SPTBN1: variants seen among roughly 807,000 people sequenced by gnomAD.
The protein encoded by SPTBN1 is spectrin beta, non-erythrocytic 1, also known as spectrin beta chain, non-erythrocytic 1.
SPTBN1 carries 32 observed loss-of-function variants against 266.4 expected under a neutral mutation model. The ratio of observed to expected loss-of-function variants is 0.12; its 90% CI spans 0.09 to 0.16. The LOEUF is 0.16. Among genes scored for constraint, SPTBN1 ranks in the 10% least tolerant of loss-of-function variants. The pLI is 1.00. For missense variants in SPTBN1, 2,296 were observed against 3,067.1 expected, an observed-to-expected ratio of 0.75 and a Z score of 5.94; for synonymous variants, 1,336 against 1,162.2, an observed-to-expected ratio of 1.15 and a Z score of -3.04.
chr2:54,647,846 A>G (rs1680022107), intron 24 of SPTBN1, among the ~76,000 whole-genome samples: 1 of 152,216 alleles, frequency 6.6e-6, no homozygotes, highest in Non-Finnish European at 1.5e-5. Flanking sequence ...TTGTCTCAAA[A>G]AAATAAAAAT....
intron 1 of SPTBN1, among the ~76,000 whole-genome samples, chr2:54,503,464 A>G (rs776827638): frequency 6.6e-6 from 1 of 152,200 alleles, no homozygotes; most frequent in Non-Finnish European, 1.5e-5. Flanking sequence ...AATCTCTTTG[A>G]CACTGGCTGT....
intron 2 of SPTBN1, among the ~76,000 whole-genome samples, chr2:54,545,729 A>C (rs563545730): frequency 1.3e-5 from 2 of 152,116 alleles, no homozygotes; most frequent in African/African-American, 4.8e-5. Flanking sequence ...AGAGAACTCC[A>C]TCTAGCCTCT....
intron 2 of SPTBN1, among the ~76,000 whole-genome samples, chr2:54,586,327 GGTGACTCATGT>G (rs1404558789): frequency 1.3e-5 from 2 of 152,160 alleles, no homozygotes; most frequent in Non-Finnish European, 2.9e-5. Flanking sequence ...AAAGGGTTTA[GGTGACTCATGT>G]GTAATGTTCT....
At chr2:54,503,328 G>A (rs868565757) in intron 1 of SPTBN1, among the ~76,000 whole-genome samples, 3 of 152,216 alleles carry the variant, frequency 2.0e-5, no homozygotes, top group South Asian at 2.1e-4. Flanking sequence ...AGGACTAGGC[G>A]TAGTGTGGGG....
In SPTBN1 at chr2:54,644,445, C is replaced by G. The variant is rs776444487; in HGVS notation, c.4128C>G (p.Leu1376=). 3 of 1,614,110 alleles carry G rather than the reference C, an allele frequency of 1.9e-6. No individual in the cohort carries two copies. Among genetic ancestry groups the G allele is most frequent in the African/African-American group, 1.3e-5 (1 of 74,936 alleles). ...CTACCCAGACAAAGGCCCAGCGGCTCTTTGATGCAAACAAGGCCGAACTTT... is the reference window on the plus strand; with the variant it reads ...CTACCCAGACAAAGGCCCAGCGGCTGTTTGATGCAAACAAGGCCGAACTTT... ...ESTTQTKAQR[L]FDANKAELFT... is the part of the protein sequence containing the mutation. Residue 1376 remains leucine, a synonymous_variant, in exon 20 of 36, where the codon CTC becomes CTG. Coordinates refer to ENST00000356805, the MANE Select transcript of SPTBN1 (RefSeq NM_003128.3).
intron 2 of SPTBN1, among the ~76,000 whole-genome samples, chr2:54,557,399 G>A (rs1316501415): frequency 2.7e-5 from 4 of 148,352 alleles, no homozygotes; most frequent in East Asian, 2.1e-4. Context: ...AAAAAGGGGG[G>A]ACAGGAGGGT....
At chr2:54,579,360 C>A (rs1674714791) in intron 2 of SPTBN1, among the ~76,000 whole-genome samples, 1 of 152,192 alleles carries the variant, frequency 6.6e-6, no homozygotes, top group Non-Finnish European at 1.5e-5. Flanking sequence ...GACTGATTCT[C>A]TGCTCATGTG....
At position 54,663,302 on chromosome 2, in the gene SPTBN1, A is replaced by G. The variant is rs888178849; in HGVS notation, c.6421-1151A>G. ...GGGCGACGTATCTAATGAGCGTGCC[A>G]TTGACTTCTCCATGTTTGTCTGTGT... On this transcript the variant is annotated intron_variant, in intron 32 of 35. Transcript: ENST00000356805. 2.0e-5 allele frequency: 3 copies of G among 152,276 alleles called. No homozygotes were observed. The East Asian group carries it at 5.8e-4, about 29-fold the overall frequency. 9.4% of individuals were successfully genotyped at this position (152,276 alleles called of 1,614,324 possible). A position where few individuals can be genotyped will look rare whatever the true frequency, so the allele number is the denominator to read the frequency against.
intron 2 of SPTBN1, among the ~76,000 whole-genome samples, chr2:54,531,608 G>T (rs1272260315): frequency 6.3e-5 from 9 of 142,358 alleles, no homozygotes; most frequent in Admixed American, 1.4e-4. Flanking sequence ...TTTGTTTTTT[G>T]TTTTTTTTTT....
chr2:54,585,515 A>G (rs1016064191), intron 2 of SPTBN1, among the ~76,000 whole-genome samples: 2 of 152,254 alleles, frequency 1.3e-5, no homozygotes, highest in Non-Finnish European at 2.9e-5. Flanking sequence ...GAAATCTTGT[A>G]TAACCATTTT....
chr2:54,668,339 T>C lies in SPTBN1; in HGVS notation c.6877-12T>C. Reference sequence around the variant, plus strand: ...TTAGTTGAGTCTCACCTGTGTCCCTTCCTCTGTCCAGGAGGAAATGAACAC... The same window carrying C: ...TTAGTTGAGTCTCACCTGTGTCCCTCCCTCTGTCCAGGAGGAAATGAACAC... On this transcript the variant is annotated splice_polypyrimidine_tract_variant and intron_variant, in intron 35 of 35. Coordinates refer to ENST00000356805, the MANE Select transcript of SPTBN1 (RefSeq NM_003128.3). The C allele has an allele frequency of 1.2e-6, 2 of 1,613,546 alleles. No homozygotes were observed. The highest frequency in any genetic ancestry group is 2.2e-5 in the East Asian group (1 of 44,866).
intron 1 of SPTBN1, among the ~76,000 whole-genome samples, chr2:54,478,218 G>C (rs953240684): frequency 6.6e-6 from 1 of 152,004 alleles, no homozygotes; most frequent in Admixed American, 6.5e-5. Flanking sequence ...GGTCTTCCCC[G>C]GGGAAGAGAT....
In SPTBN1 at chr2:54,669,663, G is replaced by C. The variant is rs1681615273; in HGVS notation, c.*1094G>C. The stretch of plus-strand genomic sequence containing the variant: ...TTAAATATATGCTATGTCATTAAAT[G>C]CTTTTAAATCTAGCACGGTGACTAG... On this transcript the variant is annotated 3_prime_UTR_variant, in exon 36 of 36. Coordinates refer to ENST00000356805, the MANE Select transcript of SPTBN1 (RefSeq NM_003128.3). The C allele has an allele frequency of 6.6e-6, 1 of 152,626 alleles. No individual in the cohort carries two copies. The highest frequency in any genetic ancestry group is 1.5e-5 in the Non-Finnish European group (1 of 68,036). 9.5% of individuals were successfully genotyped at this position (152,626 alleles called of 1,614,324 possible).
Position 54,664,349 on chromosome 2 carries a change from G to A in SPTBN1, c.6421-104G>A, listed in dbSNP as rs1572783923. ...TGGTTTTACTGTACTGCCTCGATCT[G>A]TGCCAGGCATTTATACACAGCCACA... On this transcript the variant is annotated intron_variant, in intron 32 of 35. Transcript: ENST00000356805. The surrounding 1 kb of genome is among the most constrained non-coding windows in gnomAD (Gnocchi z 5.6). The A allele has an allele frequency of 3.4e-6, 4 of 1,190,932 alleles. 1 individual carries two copies. The South Asian group carries it at 5.7e-5, about 17-fold the overall frequency. The allele number at this position is 1,190,932 out of a possible 1,614,324, so 73.8% of individuals were successfully genotyped here.
chr2:54,599,135 C>A lies in SPTBN1; in HGVS notation c.192C>A (p.Val64=), dbSNP rs774132329. ...AGAAGAAGACCTTCACCAAGTGGGT[C>A]AATTCCCACCTTGCCCGTGTGTCCT... The part of the protein sequence containing the change: ...AVQKKTFTKW[V]NSHLARVSCR... Residue 64 remains valine (V), a synonymous_variant, in exon 3 of 36, where the codon GTC becomes GTA. Coordinates refer to ENST00000356805, the MANE Select transcript of SPTBN1 (RefSeq NM_003128.3). 5.6e-6 allele frequency: 9 copies of A among 1,614,160 alleles called. No homozygotes were observed. In the South Asian group the frequency reaches 8.8e-5, roughly 16 times the overall value.
At chr2:54,641,731 A>G (rs1208356744) in intron 18 of SPTBN1, among the ~76,000 whole-genome samples, 3 of 150,844 alleles carry the variant, frequency 2.0e-5, no homozygotes, top group East Asian at 2.0e-4. Context: ...ACAGTGCCCA[A>G]GAGTTCACCC....
In SPTBN1 at chr2:54,532,240, G is replaced by C. The variant is rs576343205; in HGVS notation, c.148+5674G>C. On this transcript the variant is annotated intron_variant, in intron 2 of 35. Transcript: ENST00000356805. Reference sequence around the variant, plus strand: ...GGAGGCGGAGGTTGCAGTGAGCCGAGATCACGCCACTGCACTCCAGCCCGG... The same window carrying C: ...GGAGGCGGAGGTTGCAGTGAGCCGACATCACGCCACTGCACTCCAGCCCGG... 3.4e-4 allele frequency among the ~76,000 whole-genome samples: 51 copies of C among 152,236 alleles called. 1 individual carries two copies. In the East Asian group the frequency reaches 9.7e-3, roughly 29 times the overall value.
At chr2:54,476,205 G>C (rs888894258) in intron 1 of SPTBN1, among the ~76,000 whole-genome samples, 6 of 151,936 alleles carry the variant, frequency 3.9e-5, no homozygotes, top group Non-Finnish European at 7.4e-5. Flanking sequence ...CTCACTCAAG[G>C]ACGGTGGACT....
chr2:54,600,976 C>T lies in SPTBN1; in HGVS notation c.300+1733C>T, dbSNP rs1300402156. ...TCATAAATGGGATCAGGCCCATTGC[C>T]GTTTTTTCTGAACAGGGCAAGAAAA... On this transcript the variant is annotated intron_variant, in intron 3 of 35. Coordinates refer to ENST00000356805, the MANE Select transcript of SPTBN1 (RefSeq NM_003128.3). Among the ~76,000 whole-genome samples, 4 of 151,980 alleles carry T rather than the reference C, an allele frequency of 2.6e-5. No homozygotes were observed. In the East Asian group the frequency reaches 7.7e-4, roughly 29 times the overall value.
Sources: allele counts gnomAD v4.1 joint callset (sites outside exome capture counted in the v4.1 genomes callset), GRCh38; gene constraint gnomAD v4.1.1; non-coding constraint Gnocchi (gnomAD v3.1); transcripts MANE v1.5; gene names NCBI Gene and HGNC (gene_info 2026-07-23, HGNC 2026-07-21).